ARID1B: variants seen among roughly 807,000 people sequenced by gnomAD.
ARID1B encodes AT-rich interaction domain 1B, also known as AT-rich interactive domain-containing protein 1B.
A neutral mutation model predicts 212.3 loss-of-function variants in ARID1B; 30 were observed. The observed-to-expected ratio is 0.14, with a 90% confidence interval of 0.11 to 0.19. The LOEUF is 0.19. Ranked by LOEUF, ARID1B falls within the 10% of genes least tolerant of loss-of-function variation. The pLI, the probability that ARID1B is intolerant of heterozygous loss-of-function variation, is 1.00. For missense variants in ARID1B, 2,891 were observed against 3,204.0 expected, an observed-to-expected ratio of 0.90 and a Z score of 2.36; for synonymous variants, 1,402 against 1,301.7, an observed-to-expected ratio of 1.08 and a Z score of -1.66.
intron 8 of ARID1B, among the ~76,000 whole-genome samples, chr6:157,152,671 C>T (rs982274154): frequency 6.6e-6 from 1 of 152,150 alleles, no homozygotes; most frequent in Non-Finnish European, 1.5e-5. Flanking sequence ...TGTTTTAGTG[C>T]TCTGGGTTGA....
chr6:156,890,313 G>T (rs1342784123), intron 2 of ARID1B, among the ~76,000 whole-genome samples: 1 of 152,224 alleles, frequency 6.6e-6, no homozygotes, highest in East Asian at 1.9e-4. Flanking sequence ...AAGAGGGATT[G>T]TATGTGTATG....
At position 157,086,766 on chromosome 6, in the gene ARID1B, A is replaced by G. The variant is rs994917836; in HGVS notation, c.2491+1861A>G. ...TCCTGGGTATCAGGTGTTACATTAT[A>G]TAGTATTTTACAGAGGAAGTAGCTC... On this transcript the variant is annotated intron_variant, in intron 5 of 19. Coordinates refer to ENST00000636930, the MANE Select transcript of ARID1B (RefSeq NM_001374828.1). Among the ~76,000 whole-genome samples the G allele has an allele frequency of 6.6e-5, 10 of 152,220 alleles. No individual in the cohort carries two copies. In the South Asian group the frequency reaches 1.2e-3, roughly 19 times the overall value.
At chr6:157,192,661 G>A (rs565211087) in intron 15 of ARID1B, among the ~76,000 whole-genome samples, 1 of 152,210 alleles carries the variant, frequency 6.6e-6, no homozygotes, top group African/African-American at 2.4e-5. Context: ...TTTGGTGACT[G>A]TCTGTAATGT....
At position 156,885,359 on chromosome 6, in the gene ARID1B, T is replaced by C. The variant is rs529364263; in HGVS notation, c.1987-16017T>C. 7.2e-5 allele frequency among the ~76,000 whole-genome samples: 11 copies of C among 152,328 alleles called. No individual in the cohort carries two copies. In the East Asian group the frequency reaches 2.1e-3, roughly 29 times the overall value. ...GAGGTGGGTAAGTATCATTTTATGA[T>C]TATTTATTGAGTTTCAAAATGTATA... On this transcript the variant is annotated intron_variant, in intron 2 of 19. Coordinates refer to ENST00000636930, the MANE Select transcript of ARID1B (RefSeq NM_001374828.1).
chr6:157,108,038 C>T (rs1786617975), intron 5 of ARID1B: 1 of 152,138 alleles, frequency 6.6e-6, no homozygotes, highest in African/African-American at 2.4e-5. Context: ...CAAGTTGTTT[C>T]TTAGTTACTG....
chr6:157,204,993 A>C (rs1273203132), intron 19 of ARID1B: 2 of 152,264 alleles, frequency 1.3e-5, no homozygotes, highest in Non-Finnish European at 1.5e-5. Flanking sequence ...ACATTGTACG[A>C]GTTCTGTGTT....
chr6:157,165,674 C>T (rs767456407), intron 8 of ARID1B, among the ~76,000 whole-genome samples: 4 of 152,024 alleles, frequency 2.6e-5, no homozygotes, highest in Non-Finnish European at 4.4e-5. Context: ...CATGGCAAAA[C>T]CCCGTCTCTA....
At chr6:157,083,727 G>A (rs960001196) in intron 4 of ARID1B, among the ~76,000 whole-genome samples, 1 of 152,134 alleles carries the variant, frequency 6.6e-6, no homozygotes, top group African/African-American at 2.4e-5. Flanking sequence ...GTATTAAAAA[G>A]TAAGATATAA....
At chr6:156,797,791 C>G (rs1229295692) in intron 1 of ARID1B, among the ~76,000 whole-genome samples, 1 of 152,186 alleles carries the variant, frequency 6.6e-6, no homozygotes, top group Non-Finnish European at 1.5e-5. Flanking sequence ...GAGGTGCCAG[C>G]TGAGAGGCCA....
chr6:157,200,699 T>C lies in ARID1B; in HGVS notation c.4480-6T>C, dbSNP rs758493246. ...TCAGGATGATTTGTCTTTCTGTGAA[T>C]TCCAGAATTACAAACGCCATATGGA... On this transcript the variant is annotated splice_polypyrimidine_tract_variant and splice_region_variant and intron_variant, in intron 17 of 19. Coordinates refer to ENST00000636930, the MANE Select transcript of ARID1B (RefSeq NM_001374828.1). The surrounding 1 kb of genome is among the most constrained non-coding windows in gnomAD (Gnocchi z 4.3). 1.9e-6 allele frequency: 3 copies of C among 1,589,926 alleles called. No individual in the cohort carries two copies. The highest frequency in any genetic ancestry group is 2.6e-6 in the Non-Finnish European group (3 of 1,168,162).
intron 4 of ARID1B, among the ~76,000 whole-genome samples, chr6:156,980,379 A>G (rs1048966556): frequency 1.3e-5 from 2 of 152,104 alleles, no homozygotes; most frequent in Non-Finnish European, 1.5e-5. Flanking sequence ...GCTACTCAGG[A>G]GGTTGAGGCA....
chr6:157,131,838 C>A (rs1000429927), intron 6 of ARID1B, among the ~76,000 whole-genome samples: 5 of 152,008 alleles, frequency 3.3e-5, no homozygotes, highest in African/African-American at 7.2e-5. Context: ...TTACAGGCAC[C>A]TGCCACCGTG....
intron 4 of ARID1B, among the ~76,000 whole-genome samples, chr6:157,007,618 T>C (rs1047739002): frequency 1.3e-5 from 2 of 152,080 alleles, no homozygotes; most frequent in Non-Finnish European, 2.9e-5. Flanking sequence ...AAGAAATGAG[T>C]CAGAGAGTTG....
intron 4 of ARID1B, among the ~76,000 whole-genome samples, chr6:157,079,606 G>A (rs1332942174): frequency 2.6e-5 from 4 of 152,130 alleles, no homozygotes; most frequent in African/African-American, 4.8e-5. Flanking sequence ...AGAAACAGAG[G>A]GCTGATAATT....
intron 8 of ARID1B, among the ~76,000 whole-genome samples, chr6:157,159,764 C>G (rs1790811622): frequency 6.6e-6 from 1 of 152,090 alleles, no homozygotes; most frequent in Non-Finnish European, 1.5e-5. Flanking sequence ...AACAAGAGGC[C>G]CTGTGGGCAG....
intron 15 of ARID1B, among the ~76,000 whole-genome samples, chr6:157,192,700 C>T (rs966634628): frequency 6.6e-6 from 1 of 152,186 alleles, no homozygotes; most frequent in Non-Finnish European, 1.5e-5. Context: ...AAATGATCCC[C>T]GGTGGCAAGT....
intron 4 of ARID1B, among the ~76,000 whole-genome samples, chr6:157,017,040 C>T (rs1229784207): frequency 6.6e-6 from 1 of 152,120 alleles, no homozygotes; most frequent in Non-Finnish European, 1.5e-5. Flanking sequence ...AAAATAATTC[C>T]ACCTGTTTCC....
Position 156,777,718 on chromosome 6 carries a change from CGGCGCGGGCGCG to C in ARID1B, c.48_59del (p.Arg17_Ala20del), listed in dbSNP as rs1157870200. ...GCAGCAGCGGCGGCGGCGGCGGCGG[CGGCGCGGGCGCG>C]GGCGCGGGCAGGCAGCGGCGAACGG... On this transcript the variant is annotated inframe_deletion, in exon 1 of 20. Transcript: ENST00000636930. 40 of 162,712 alleles carry C rather than the reference CGGCGCGGGCGCG, an allele frequency of 2.5e-4. 1 individual carries two copies. The highest frequency in any genetic ancestry group is 1.0e-3 in the East Asian group (5 of 4,972). 10.1% of individuals were successfully genotyped at this position (162,712 alleles called of 1,614,324 possible). A position where few individuals can be genotyped will look rare whatever the true frequency, so the allele number is the denominator to read the frequency against.
intron 1 of ARID1B, among the ~76,000 whole-genome samples, chr6:156,824,856 A>G (rs922066550): frequency 1.4e-4 from 22 of 151,812 alleles, no homozygotes; most frequent in Non-Finnish European, 2.9e-4. Context: ...CAGAAGTCTT[A>G]GATTTGATTT....
Sources: allele counts gnomAD v4.1 joint callset (sites outside exome capture counted in the v4.1 genomes callset), GRCh38; gene constraint gnomAD v4.1.1; non-coding constraint Gnocchi (gnomAD v3.1); transcripts MANE v1.5; gene names NCBI Gene and HGNC (gene_info 2026-07-23, HGNC 2026-07-21).